The following SAMD12 variants were observed in gnomAD, a reference collection of about 807,000 sequenced individuals.
The protein encoded by SAMD12 is sterile alpha motif domain-containing protein 12.
Under a neutral mutation model 15.0 loss-of-function variants are expected in SAMD12, and 9 were observed. The ratio of observed to expected loss-of-function variants is 0.60; its 90% CI spans 0.36 to 1.05. The LOEUF (loss-of-function observed/expected upper bound fraction) is 1.05. Ranked by LOEUF, SAMD12 falls within the 50% of genes least tolerant of loss-of-function variation. SAMD12 has a pLI of 0.01. For synonymous variants in SAMD12, 86 were observed against 90.1 expected (o/e 0.96, Z 0.25); for missense variants, 230 against 234.2 (o/e 0.98, Z 0.12).
intron 2 of SAMD12, among the ~76,000 whole-genome samples, chr8:118,509,102 A>C (rs552348102): frequency 6.6e-6 from 1 of 152,308 alleles, no homozygotes; most frequent in East Asian, 1.9e-4. Flanking sequence ...TGCCTGGTAA[A>C]AGAAATGTAT....
intron 1 of SAMD12, among the ~76,000 whole-genome samples, chr8:118,610,148 AAAC>A (rs1828071336): frequency 6.6e-6 from 1 of 152,184 alleles, no homozygotes; most frequent in African/African-American, 2.4e-5. Context: ...CAGCATGAGA[AAAC>A]AACAAAAACC....
chr8:118,165,637 C>CAT, the SAMD12 span, among the ~76,000 whole-genome samples: 4 of 102,262 alleles, frequency 3.9e-5, no homozygotes, highest in African/African-American at 1.6e-4. Flanking sequence ...TATATATATA[C>CAT]ATATATATAT....
At chr8:118,621,465 G>A (rs1828403668) in intron 1 of SAMD12, 1 of 380,500 alleles carries the variant, frequency 2.6e-6, no homozygotes, top group Non-Finnish European at 4.8e-6. Flanking sequence ...CGGAGGGAGG[G>A]GGCAGGGAAA....
chr8:118,477,924 G>C (rs1385895297), intron 2 of SAMD12, among the ~76,000 whole-genome samples: 1 of 148,748 alleles, frequency 6.7e-6, no homozygotes, highest in African/African-American at 2.5e-5. Context: ...TGAGGCAGGA[G>C]AATGGTGTGA....
intron 4 of SAMD12, among the ~76,000 whole-genome samples, chr8:118,342,592 G>A (rs1485083473): frequency 6.6e-6 from 1 of 152,146 alleles, no homozygotes; most frequent in South Asian, 2.1e-4. Flanking sequence ...GTAAGATGAC[G>A]ATGGAAGTAC....
At chr8:118,551,382 C>T (rs1183027011) in intron 2 of SAMD12, among the ~76,000 whole-genome samples, 4 of 151,950 alleles carry the variant, frequency 2.6e-5, no homozygotes, top group African/African-American at 9.7e-5. Flanking sequence ...TCACTCAAAA[C>T]CGCTCAACTA....
chr8:118,545,221 C>T (rs747277683), intron 2 of SAMD12, among the ~76,000 whole-genome samples: 1 of 152,212 alleles, frequency 6.6e-6, no homozygotes, highest in Non-Finnish European at 1.5e-5. Flanking sequence ...AATCCCAACA[C>T]TCTGGGAGGC....
exon 5 of SAMD12, chr8:118,197,496 C>T (rs1819598215): frequency 1.7e-6 from 1 of 604,076 alleles, no homozygotes; most frequent in African/African-American, 1.9e-5. Flanking sequence ...AATGAGTTGG[C>T]ATTATATTAT....
chr8:118,363,430 A>G (rs1362382695), intron 4 of SAMD12, among the ~76,000 whole-genome samples: 1 of 152,198 alleles, frequency 6.6e-6, no homozygotes, highest in Non-Finnish European at 1.5e-5. Context: ...CCCAGGAGTA[A>G]GAGTAAGAGG....
At chr8:118,591,398 A>C (rs1298438727) in intron 1 of SAMD12, among the ~76,000 whole-genome samples, 11 of 152,184 alleles carry the variant, frequency 7.2e-5, no homozygotes, top group Non-Finnish European at 1.6e-4. Context: ...TACTAATATT[A>C]CCCTATTTTT....
At chr8:118,304,931 T>G (rs1815243843) in intron 4 of SAMD12, among the ~76,000 whole-genome samples, 1 of 151,158 alleles carries the variant, frequency 6.6e-6, no homozygotes, top group South Asian at 2.1e-4. Flanking sequence ...GATGCATCAC[T>G]TGAAATCAGG....
chr8:118,418,314 C>G (rs1821813498), intron 3 of SAMD12, among the ~76,000 whole-genome samples: 1 of 152,140 alleles, frequency 6.6e-6, no homozygotes. Flanking sequence ...TTTGTAGATT[C>G]AATTTATTCC....
At chr8:118,536,443 A>AACACACAC (rs1165508519) in intron 2 of SAMD12, among the ~76,000 whole-genome samples, 3,064 of 140,726 alleles carry the variant, frequency 0.022, 55 homozygotes, top group South Asian at 0.067. Flanking sequence ...CTGATACACA[A>AACACACAC]ACACACACAC....
intron 4 of SAMD12, among the ~76,000 whole-genome samples, chr8:118,330,657 T>A (rs892362747): frequency 6.6e-6 from 1 of 152,104 alleles, no homozygotes; most frequent in African/African-American, 2.4e-5. Flanking sequence ...CAGATTGAGA[T>A]AAAAAGGTAT....
chr8:118,215,294 T>A (rs1367134635), intron 4 of SAMD12, among the ~76,000 whole-genome samples: 1 of 152,200 alleles, frequency 6.6e-6, no homozygotes, highest in Non-Finnish European at 1.5e-5. Context: ...GCTGCATAGT[T>A]ATAGAGATCA....
At chr8:118,261,116 A>T (rs1813065938) in intron 4 of SAMD12, among the ~76,000 whole-genome samples, 2 of 152,078 alleles carry the variant, frequency 1.3e-5, no homozygotes, top group Non-Finnish European at 2.9e-5. Context: ...AAAATTTTTC[A>T]TTTGTCAAAA....
intron 4 of SAMD12, among the ~76,000 whole-genome samples, chr8:118,248,631 C>T (rs1001465945): frequency 6.7e-6 from 1 of 149,754 alleles, no homozygotes; most frequent in Admixed American, 6.7e-5. Context: ...GAATAGATGA[C>T]TTTTTTTTTT....
rs1415255000 is a variant in SAMD12, at chr8:118,553,667, C to A, written c.192+27048G>T. 4.4e-3 allele frequency among the ~76,000 whole-genome samples: 660 copies of A among 150,352 alleles called. 1 individual carries two copies. Among genetic ancestry groups the A allele is most frequent in the African/African-American group, 0.014 (575 of 40,332 alleles). ...ACACCAAAAGCAATGGCAACAAAAG[C>A]CAAAATTGACAAATGGGATCTAATT... On this transcript the variant is annotated intron_variant, in intron 2 of 3. Coordinates refer to ENST00000314727, the MANE Select transcript of SAMD12 (RefSeq NM_207506.3).
chr8:118,515,973 AC>A (rs1825234239), intron 2 of SAMD12, among the ~76,000 whole-genome samples: 1 of 152,230 alleles, frequency 6.6e-6, no homozygotes, highest in South Asian at 2.1e-4. Context: ...CTAAGAGAGG[AC>A]TAGCAGTTCC....
Sources: gnomAD v4.1 joint callset for allele counts (sites outside exome capture counted in the v4.1 genomes callset) on GRCh38, gnomAD v4.1.1 for gene constraint, MANE v1.5 for transcripts, NCBI Gene and HGNC (gene_info 2026-07-23, HGNC 2026-07-21) for gene names.